The following ITPR3 variants were observed in gnomAD, a reference collection of about 807,000 sequenced individuals.
ITPR3 encodes the protein inositol 1,4,5-trisphosphate-gated calcium channel ITPR3.
A neutral mutation model predicts 293.2 loss-of-function variants in ITPR3; 173 were observed. The ratio of observed to expected loss-of-function variants is 0.59; its 90% CI spans 0.52 to 0.67. The LOEUF is 0.67. ITPR3 is among the 30% of genes least tolerant of loss of function. ITPR3 has a pLI of 0.00. For synonymous variants in ITPR3, 1,295 were observed against 1,444.4 expected (o/e 0.90, Z 2.35); for missense variants, 2,796 against 3,592.1 (o/e 0.78, Z 5.66).
chr6:33,630,487 T>C lies in ITPR3; in HGVS notation c.89+8796T>C, dbSNP rs533079222. ...GAGGCAAGGGCTGGCTGGCGGCCCA[T>C]GGTTGCACCTTTTCTCCCTCTCTTC... On this transcript the variant is annotated intron_variant, in intron 1 of 57. Transcript: ENST00000605930. Among the ~76,000 whole-genome samples the C allele has an allele frequency of 1.1e-3, 168 of 152,312 alleles. 1 individual carries two copies. The highest frequency in any genetic ancestry group is 6.8e-3 in the Middle Eastern group (2 of 294).
In ITPR3 at chr6:33,672,981, C is replaced by T. The variant is rs556324516; in HGVS notation, c.2929-610C>T. Among the ~76,000 whole-genome samples, 932 of 152,274 alleles carry T rather than the reference C, an allele frequency of 6.1e-3. 4 individuals are homozygous for T. The highest frequency in any genetic ancestry group is 0.01 in the Admixed American group (155 of 15,288). On this transcript the variant is annotated intron_variant, in intron 22 of 57. Coordinates refer to ENST00000605930, the MANE Select transcript of ITPR3 (RefSeq NM_002224.4). This position sits in a 1 kb window ranked among gnomAD's most constrained non-coding sequence, Gnocchi z 5.0. ...GCAGGAAGGGTAGTGCAGTGACCTC[C>T]GTGGGGGACCTCTGGCGGTCAGAGT...
At chr6:33,657,828 T>G in intron 3 of ITPR3, 104 bp from the exon 4 acceptor site, 6 of 830,314 alleles carry the variant, frequency 7.2e-6, no homozygotes, top group Non-Finnish European at 9.9e-6. Flanking sequence ...TGTGTGTGTG[T>G]GTGTGTTTGT....
chr6:33,688,604 A>AG, intron 48 of ITPR3, 52 bp from the exon 49 acceptor site: 2 of 1,609,236 alleles, frequency 1.2e-6, no homozygotes, highest in African/African-American at 1.3e-5. Flanking sequence ...TGCAAGGGGC[A>AG]GGGGGTGCTC....
In ITPR3 at chr6:33,667,832, T is replaced by C; in HGVS notation, c.1754T>C (p.Ile585Thr). 1 of 1,614,078 alleles carries C rather than the reference T, an allele frequency of 6.2e-7. No individual in the cohort carries two copies. The highest frequency in any genetic ancestry group is 8.5e-7 in the Non-Finnish European group (1 of 1,179,998). The change falls in exon 16 of 58, where the codon ATT (isoleucine) becomes ACT (threonine). Residue 585 changes from isoleucine to threonine, a missense_variant. Physicochemically the swap from Ile to Thr is moderately conservative, Grantham distance 89. This residue lies in a region of ITPR3 where 955 missense variants were observed against 1,180.8 expected (regional missense o/e 0.81). Coordinates refer to ENST00000605930, the MANE Select transcript of ITPR3 (RefSeq NM_002224.4). The surrounding 1 kb of genome is among the most constrained non-coding windows in gnomAD (Gnocchi z 4.4). ...CAGTTTGGGATGATGCAGTCCCAGA[T>C]TGGCTACGACATCCTGGCCGAGGAC... The part of the protein sequence containing the change: ...AKQFGMMQSQ[I>T]GYDILAEDTI...
Position 33,687,688 on chromosome 6 carries a change from G to C in ITPR3, c.6264+124G>C. 1.3e-6 allele frequency: 1 copy of C among 787,262 alleles called. No individual in the cohort carries two copies. The highest frequency in any genetic ancestry group is 2.1e-6 in the Non-Finnish European group (1 of 483,212). 48.8% of individuals were successfully genotyped at this position (787,262 alleles called of 1,614,324 possible). ...ATATGAGCCAGGCTAGAATTTGGGG[G>C]TACAGCTCAGGGGGCTGATTGGGAC... On this transcript the variant is annotated intron_variant, in intron 46 of 57. Transcript: ENST00000605930. This position sits in a 1 kb window ranked among gnomAD's most constrained non-coding sequence, Gnocchi z 5.3.
intron 2 of ITPR3, among the ~76,000 whole-genome samples, chr6:33,651,199 C>A (rs7759142): frequency 1.3e-5 from 2 of 150,576 alleles, no homozygotes; most frequent in African/African-American, 4.9e-5. Context: ...ATGGTGTGAA[C>A]CCGGGAGGCG....
chr6:33,645,879 C>G (rs1328013426), intron 2 of ITPR3, among the ~76,000 whole-genome samples: 1 of 151,836 alleles, frequency 6.6e-6, no homozygotes. Flanking sequence ...ACTCTGTCAC[C>G]CAGGCTGGAG....
At chr6:33,689,552 C>G (rs543741352) in intron 50 of ITPR3, 142 bp downstream of exon 50, 1 of 909,910 alleles carries the variant, frequency 1.1e-6, no homozygotes, top group Admixed American at 2.7e-5. Context: ...CCTTATAGAC[C>G]GGTGGCAGGG....
At chr6:33,693,012 T>C in intron 55 of ITPR3, 119 bp downstream of exon 55, 4 of 940,852 alleles carry the variant, frequency 4.3e-6, no homozygotes, top group Non-Finnish European at 6.4e-6. Context: ...AGCTGATGAC[T>C]TGATGCATTT....
Position 33,686,169 on chromosome 6 carries a change from C to T in ITPR3, c.5784C>T (p.Tyr1928=), listed in dbSNP as rs371283083. 10 of 1,614,054 alleles carry T rather than the reference C, an allele frequency of 6.2e-6. No individual in the cohort carries two copies. The African/African-American group carries it at 6.7e-5, about 11-fold the overall frequency. The change falls in exon 42 of 58, where the codon TAC becomes TAT. Residue 1928 remains tyrosine, a synonymous_variant. Coordinates refer to ENST00000605930, the MANE Select transcript of ITPR3 (RefSeq NM_002224.4). ...TTGGLGLLGL[Y]INEDNVGLVI... The stretch of plus-strand genomic sequence containing the variant: ...GCGGCCTGGGGCTGCTGGGGCTCTA[C>T]ATCAATGAGGACAACGTGGGCCTCG...
intron 2 of ITPR3, among the ~76,000 whole-genome samples, chr6:33,641,712 C>A (rs1561854029): frequency 1.3e-5 from 2 of 152,134 alleles, no homozygotes; most frequent in South Asian, 4.1e-4. Context: ...ACACCAGCCT[C>A]CCTGCCATTC....
At chr6:33,681,246 A>G (rs1582155458) in intron 33 of ITPR3, among the ~76,000 whole-genome samples, 1 of 152,184 alleles carries the variant, frequency 6.6e-6, no homozygotes, top group Non-Finnish European at 1.5e-5. Flanking sequence ...TCCAGCAGGA[A>G]CTCCTAACTC....
At position 33,664,577 on chromosome 6, in the gene ITPR3, C is replaced by T. The variant is rs1370094828; in HGVS notation, c.1149-293C>T. On this transcript the variant is annotated intron_variant, in intron 11 of 57. Transcript: ENST00000605930. The surrounding 1 kb of genome is among the most constrained non-coding windows in gnomAD (Gnocchi z 4.4). Reference sequence around the variant, plus strand: ...AAATAGTTAAATAGCCTCATTTGTCCAAATGAATTTTGGTCCCAAGTGTAC... The same window carrying T: ...AAATAGTTAAATAGCCTCATTTGTCTAAATGAATTTTGGTCCCAAGTGTAC... 2.6e-5 allele frequency among the ~76,000 whole-genome samples: 4 copies of T among 152,158 alleles called. No homozygotes were observed. Among genetic ancestry groups the T allele is most frequent in the Non-Finnish European group, 5.9e-5 (4 of 68,040 alleles).
intron 57 of ITPR3, 99 bp downstream of exon 57, chr6:33,695,184 C>G (rs921215963): frequency 7.4e-6 from 10 of 1,346,336 alleles, no homozygotes; most frequent in Non-Finnish European, 1.0e-5. Flanking sequence ...CCCCACTGGC[C>G]TCTGGCCCTG....
At chr6:33,644,949 C>T (rs1035516087) in intron 2 of ITPR3, among the ~76,000 whole-genome samples, 1 of 150,776 alleles carries the variant, frequency 6.6e-6, no homozygotes, top group Non-Finnish European at 1.5e-5. Context: ...CAGGTATGAG[C>T]CACTGCACCT....
intron 17 of ITPR3, 43 bp downstream of exon 17, chr6:33,668,677 T>G (rs1158949087): frequency 6.2e-7 from 1 of 1,613,228 alleles, no homozygotes; most frequent in South Asian, 1.1e-5. Context: ...TCCACGCTGC[T>G]GACCCCCAGC....
At position 33,682,036 on chromosome 6, in the gene ITPR3, C is replaced by T. The variant is rs1765091074; in HGVS notation, c.4477-488C>T. Among the ~76,000 whole-genome samples, 1 of 152,104 alleles carries T rather than the reference C, an allele frequency of 6.6e-6. No homozygotes were observed. The highest frequency in any genetic ancestry group is 6.5e-5 in the Admixed American group (1 of 15,288). On this transcript the variant is annotated intron_variant, in intron 33 of 57. Transcript: ENST00000605930. The surrounding 1 kb of genome is among the most constrained non-coding windows in gnomAD (Gnocchi z 5.4). ...AGCTGGGATTATAGGCACCCGCCAC[C>T]ACGCCCGGCTAATTTTTGTATTTTT...
chr6:33,625,874 C>T (rs1763538880), intron 1 of ITPR3, among the ~76,000 whole-genome samples: 1 of 152,194 alleles, frequency 6.6e-6, no homozygotes, highest in Non-Finnish European at 1.5e-5. Context: ...AGGTCGGAAA[C>T]CTCAGAGGCA....
chr6:33,687,183 C>A lies in ITPR3; in HGVS notation c.6076-43C>A. ...GGGGATGAGGGCCCGGCTGGCCCTACCGCCCTAGGAAGAGAGCATTGGAAC... is the reference window on the plus strand; with the variant it reads ...GGGGATGAGGGCCCGGCTGGCCCTAACGCCCTAGGAAGAGAGCATTGGAAC... On this transcript the variant is annotated intron_variant, in intron 44 of 57. Coordinates refer to ENST00000605930, the MANE Select transcript of ITPR3 (RefSeq NM_002224.4). The surrounding 1 kb of genome is among the most constrained non-coding windows in gnomAD (Gnocchi z 5.3). 6.3e-7 allele frequency: 1 copy of A among 1,592,060 alleles called. No homozygotes were observed. Among genetic ancestry groups the A allele is most frequent in the Non-Finnish European group, 8.6e-7 (1 of 1,160,656 alleles).
Sources: allele counts gnomAD v4.1 joint callset (sites outside exome capture counted in the v4.1 genomes callset), GRCh38; gene constraint gnomAD v4.1.1; regional missense constraint gnomAD v4.1.1; non-coding constraint Gnocchi (gnomAD v3.1); transcripts MANE v1.5; gene names NCBI Gene and HGNC (gene_info 2026-07-23, HGNC 2026-07-21).